The following UGT1A8 variants were observed in gnomAD, a reference collection of about 807,000 sequenced individuals.
UGT1A8 encodes the protein UDP-glucuronosyltransferase 1A8.
UGT1A8 carries 39 observed loss-of-function variants against 45.3 expected under a neutral mutation model. That is an observed-to-expected ratio of 0.86 (90% confidence interval 0.67 to 1.12). The LOEUF is 1.12. Among genes scored for constraint, UGT1A8 ranks in the 50% most tolerant of loss-of-function variants. The pLI, the probability that UGT1A8 is intolerant of heterozygous loss-of-function variation, is 0.00. For missense variants in UGT1A8, 719 were observed against 664.9 expected (o/e 1.08, Z -0.90); for synonymous variants, 275 against 249.2 (o/e 1.10, Z -0.97).
chr2:233,724,204 T>C (rs1288091131), intron 1 of UGT1A8, among the ~76,000 whole-genome samples: 2 of 103,218 alleles, frequency 1.9e-5, no homozygotes, highest in South Asian at 3.6e-4. Context: ...CTGGCCGGGC[T>C]GAGGGGCTCC....
chr2:233,761,268 C>T lies in UGT1A8; in HGVS notation c.856-5766C>T, dbSNP rs991345874. 11 of 1,592,332 alleles carry T rather than the reference C, an allele frequency of 6.9e-6. No homozygotes were observed. In the African/African-American group the frequency reaches 1.5e-4, roughly 21 times the overall value. On this transcript the variant is annotated intron_variant, in intron 1 of 4. Coordinates refer to ENST00000373450, the MANE Select transcript of UGT1A8 (RefSeq NM_019076.5). ...GCATTCTGAGATAATTTAAAATGCC[C>T]TCTTTTGTTAATTTTTGACTCCTAG...
At chr2:233,716,524 C>T (rs1465366179) in intron 1 of UGT1A8, among the ~76,000 whole-genome samples, 1 of 152,198 alleles carries the variant, frequency 6.6e-6, no homozygotes. Flanking sequence ...GCTTACCATT[C>T]AATTATCTCC....
intron 1 of UGT1A8, chr2:233,760,795 T>C (rs1035248479): frequency 1.2e-5 from 19 of 1,613,472 alleles, no homozygotes; most frequent in Non-Finnish European, 1.5e-5. Context: ...GCCCACTGTA[T>C]TCTTCTTGCA....
intron 1 of UGT1A8, chr2:233,718,932 G>A (rs781665803): frequency 3.7e-6 from 6 of 1,614,132 alleles, no homozygotes; most frequent in Non-Finnish European, 4.2e-6. Context: ...GCCCACTGAT[G>A]GCAGCCCCTG....
At chr2:233,637,039 T>C in intron 1 of UGT1A8, 1 of 1,614,026 alleles carries the variant, frequency 6.2e-7, no homozygotes, top group Non-Finnish European at 8.5e-7. Context: ...CAGGGGAATA[T>C]TTTGCCACCA....
chr2:233,760,450 C>CA lies in UGT1A8; in HGVS notation c.856-6583dup. On this transcript the variant is annotated intron_variant, in intron 1 of 4. Coordinates refer to ENST00000373450, the MANE Select transcript of UGT1A8 (RefSeq NM_019076.5). ...CATCCAGCAGCTGCAGCAGAGGGGA[C>CA]ATGAAATAGTTGTCCTAGCACCTGA... 1.2e-6 allele frequency: 2 copies of CA among 1,614,202 alleles called. No individual in the cohort carries two copies. The highest frequency in any genetic ancestry group is 1.7e-6 in the Non-Finnish European group (2 of 1,180,036).
At chr2:233,673,074 A>G (rs900439525) in intron 1 of UGT1A8, among the ~76,000 whole-genome samples, 1 of 152,186 alleles carries the variant, frequency 6.6e-6, no homozygotes, top group Non-Finnish European at 1.5e-5. Flanking sequence ...TAAGAAATGA[A>G]ACTTCCCTTT....
At chr2:233,746,988 A>C (rs1194642713) in intron 1 of UGT1A8, among the ~76,000 whole-genome samples, 1 of 151,882 alleles carries the variant, frequency 6.6e-6, no homozygotes, top group Non-Finnish European at 1.5e-5. Context: ...GCGCAGGGTC[A>C]GATGAGTTTT....
intron 1 of UGT1A8, chr2:233,648,356 A>G: frequency 2.4e-6 from 1 of 416,360 alleles, no homozygotes; most frequent in Non-Finnish European, 4.6e-6. Context: ...ATACTTTGAC[A>G]TTACCTTGAA....
At chr2:233,704,833 A>AGAG in intron 1 of UGT1A8, among the ~76,000 whole-genome samples, 1 of 152,130 alleles carries the variant, frequency 6.6e-6, no homozygotes, top group Non-Finnish European at 1.5e-5. Context: ...ATTGCTTTTA[A>AGAG]AATCAGTTAA....
At chr2:233,628,772 TA>T (rs2073135862) in intron 1 of UGT1A8, among the ~76,000 whole-genome samples, 4 of 152,132 alleles carry the variant, frequency 2.6e-5, no homozygotes, top group Admixed American at 2.6e-4. Flanking sequence ...TTCATTAGTT[TA>T]AGATACTTCC....
chr2:233,635,359 C>T (rs1252191802), intron 1 of UGT1A8, among the ~76,000 whole-genome samples: 3 of 150,660 alleles, frequency 2.0e-5, no homozygotes, highest in Non-Finnish European at 4.4e-5. Context: ...TCTTGCTAGG[C>T]TGGGGAAGTT....
chr2:233,729,797 G>C (rs1376720200), intron 1 of UGT1A8: 2 of 1,613,908 alleles, frequency 1.2e-6, no homozygotes, highest in South Asian at 2.2e-5. Context: ...TCCTACATTT[G>C]CCATGCTTTT....
chr2:233,705,587 A>T (rs1466841331), intron 1 of UGT1A8, among the ~76,000 whole-genome samples: 1 of 152,138 alleles, frequency 6.6e-6, no homozygotes, highest in Non-Finnish European at 1.5e-5. Context: ...TGGTTTATGG[A>T]TCTGGGAAAG....
At position 233,618,128 on chromosome 2, in the gene UGT1A8, T is replaced by A. The variant is rs373515510; in HGVS notation, c.421T>A (p.Ser141Thr). The A allele has an allele frequency of 6.2e-7, 1 of 1,614,162 alleles. No homozygotes were observed. Among genetic ancestry groups the A allele is most frequent in the Non-Finnish European group, 8.5e-7 (1 of 1,180,040 alleles). The stretch of plus-strand genomic sequence containing the variant: ...ATTAGTAGAATACTTAAAGGAGAGT[T>A]CTTTTGATGCGGTGTTTCTTGATCC... ...RKLVEYLKES[S>T]FDAVFLDPFD... The change falls in exon 1 of 5, where the codon TCT becomes ACT. Residue 141 changes from serine (S) to threonine (T), a missense_variant. Physicochemically the swap from Ser to Thr is moderately conservative, Grantham distance 58. Transcript: ENST00000373450.
At chr2:233,646,051 C>A (rs2073593638) in intron 1 of UGT1A8, among the ~76,000 whole-genome samples, 1 of 152,232 alleles carries the variant, frequency 6.6e-6, no homozygotes. Flanking sequence ...GTTCCCAAAC[C>A]TCAATTCTTG....
chr2:233,759,702 G>A (rs780884491), intron 1 of UGT1A8, among the ~76,000 whole-genome samples: 4 of 150,764 alleles, frequency 2.7e-5, no homozygotes, highest in Admixed American at 2.0e-4. Context: ...ACCTCATGGC[G>A]CGTGCTCGTG....
At chr2:233,745,962 G>A (rs1693268115) in intron 1 of UGT1A8, among the ~76,000 whole-genome samples, 2 of 151,772 alleles carry the variant, frequency 1.3e-5, no homozygotes, top group Admixed American at 1.3e-4. Context: ...GGGGGACAGG[G>A]GCCCTGAAAT....
chr2:233,743,427 G>A, intron 1 of UGT1A8: 2 of 1,349,658 alleles, frequency 1.5e-6, no homozygotes, highest in South Asian at 2.3e-5. Context: ...GGGAGCCAAA[G>A]GAACGAAATC....
Sources: allele counts gnomAD v4.1 joint callset (sites outside exome capture counted in the v4.1 genomes callset), GRCh38; gene constraint gnomAD v4.1.1; transcripts MANE v1.5; gene names NCBI Gene and HGNC (gene_info 2026-07-23, HGNC 2026-07-21).